Variants in SLC1A7 observed in about 807,000 individuals in gnomAD.
SLC1A7 encodes the protein excitatory amino acid transporter 5.
Under a neutral mutation model 47.7 loss-of-function variants are expected in SLC1A7, and 40 were observed. The ratio of observed to expected loss-of-function variants is 0.84; its 90% CI spans 0.65 to 1.09. The LOEUF (loss-of-function observed/expected upper bound fraction) is 1.09, where lower values mean the gene tolerates loss of function less well. Ranked by LOEUF, SLC1A7 falls within the 50% of genes least tolerant of loss-of-function variation. The pLI, the probability that SLC1A7 is intolerant of heterozygous loss-of-function variation, is 0.00. For missense variants in SLC1A7, 746 were observed against 769.5 expected, an observed-to-expected ratio of 0.97 and a Z score of 0.36; for synonymous variants, 323 against 325.6, an observed-to-expected ratio of 0.99 and a Z score of 0.09.
chr1:53,126,698 G>A (rs893510909), intron 2 of SLC1A7, among the ~76,000 whole-genome samples: 5 of 152,182 alleles, frequency 3.3e-5, no homozygotes, highest in African/African-American at 9.7e-5. Context: ...CCAGACAGTT[G>A]GGCTTCTGAT....
intron 5 of SLC1A7, chr1:53,103,133 C>G (rs939279260): frequency 2.1e-6 from 1 of 484,338 alleles, no homozygotes; most frequent in Admixed American, 3.8e-5. Flanking sequence ...ATGGCCCAGA[C>G]GGGCCTGAGG....
At position 53,139,766 on chromosome 1, in the gene SLC1A7, TC is replaced by T. The variant is rs564373434; in HGVS notation, c.135+2548del. ...TTGTTGTAGCCTCTCTATTTCTTTT[TC>T]TCAACTGTCTCCTTTTATATTCTCT... On this transcript the variant is annotated intron_variant, in intron 1 of 10. Coordinates refer to ENST00000371494, the MANE Select transcript of SLC1A7 (RefSeq NM_006671.6). Among the ~76,000 whole-genome samples the T allele has an allele frequency of 2.9e-3, 448 of 152,304 alleles. 1 individual carries two copies. Among genetic ancestry groups the T allele is most frequent in the Non-Finnish European group, 5.0e-3 (337 of 68,022 alleles).
chr1:53,132,198 T>A (rs1262120715), intron 2 of SLC1A7, among the ~76,000 whole-genome samples: 1 of 152,110 alleles, frequency 6.6e-6, no homozygotes, highest in Non-Finnish European at 1.5e-5. Flanking sequence ...ATGGAAGCTG[T>A]TGAAGGTAAA....
intron 2 of SLC1A7, among the ~76,000 whole-genome samples, chr1:53,130,360 G>A (rs1644930204): frequency 6.6e-6 from 1 of 152,186 alleles, no homozygotes; most frequent in East Asian, 1.9e-4. Context: ...CCAGGGCTTG[G>A]CATGGGGAAA....
In SLC1A7 at chr1:53,142,487, T is replaced by G; in HGVS notation, c.-38A>C. 1 of 1,607,200 alleles carries G rather than the reference T, an allele frequency of 6.2e-7. No homozygotes were observed. The highest frequency in any genetic ancestry group is 8.5e-7 in the Non-Finnish European group (1 of 1,177,108). Reference sequence around the variant, plus strand: ...CTGCTGGCAAGGGGCACAGCACCATTCCACGCATGAGAGCCCGGCCGGGGG... The same window carrying G: ...CTGCTGGCAAGGGGCACAGCACCATGCCACGCATGAGAGCCCGGCCGGGGG... On this transcript the variant is annotated 5_prime_UTR_variant, in exon 1 of 11. Transcript: ENST00000371494.
At chr1:53,088,772 A>AG in intron 10 of SLC1A7, 105 bp downstream of exon 10, 1 of 791,510 alleles carries the variant, frequency 1.3e-6, no homozygotes, top group East Asian at 2.6e-5. Context: ...GCATGGAGGG[A>AG]GGGATTGGCT....
Position 53,114,865 on chromosome 1 carries a change from G to T in SLC1A7, c.324C>A (p.Ile108=), listed in dbSNP as rs151238377. The change falls in exon 3 of 11, where the codon ATC becomes ATA. Residue 108 remains isoleucine, a synonymous_variant. Transcript: ENST00000371494. The part of the protein sequence containing the change: ...WTTFMAVIVG[I]FMVSIIHPGS... ...CTGGGTGGATGATGGAGACCATGAA[G>T]ATGCCCACGATGACAGCCATGAAGG... 58 of 1,614,096 alleles carry T rather than the reference G, an allele frequency of 3.6e-5. No individual in the cohort carries two copies. The African/African-American group carries it at 7.3e-4, about 20-fold the overall frequency.
At chr1:53,120,790 C>T (rs1040169913) in intron 2 of SLC1A7, among the ~76,000 whole-genome samples, 6 of 152,238 alleles carry the variant, frequency 3.9e-5, no homozygotes, top group East Asian at 1.9e-4. Context: ...CACGGAGTGC[C>T]GGGAGCCCAG....
At chr1:53,115,155 A>C in intron 2 of SLC1A7, 182 bp from the exon 3 acceptor site, 1 of 609,946 alleles carries the variant, frequency 1.6e-6, no homozygotes, top group Non-Finnish European at 2.9e-6. Context: ...CCTCTCCCCC[A>C]CGCCCCGGGG....
intron 5 of SLC1A7, among the ~76,000 whole-genome samples, chr1:53,098,712 C>T (rs977720275): frequency 6.6e-5 from 10 of 151,006 alleles, no homozygotes; most frequent in Middle Eastern, 3.2e-3. Context: ...TAACTGGCCT[C>T]GGTACACTCA....
In SLC1A7 at chr1:53,103,453, T is replaced by A; in HGVS notation, c.590A>T (p.Asn197Ile). Residue 197 changes from asparagine to isoleucine, a missense_variant, in exon 5 of 11, where the codon AAC becomes ATC. Coordinates refer to ENST00000371494, the MANE Select transcript of SLC1A7 (RefSeq NM_006671.6). ...VQEENGSHVQ[N>I]FALDLTPPPE... is the part of the protein sequence containing the mutation. ...CGGCGGGGTCAGGTCCAGGGCGAAG[T>A]TCTGCACATGGGAGCCATTCTCCTC... The A allele has an allele frequency of 6.2e-7, 1 of 1,613,020 alleles. No homozygotes were observed. Among genetic ancestry groups the A allele is most frequent in the Non-Finnish European group, 8.5e-7 (1 of 1,179,724 alleles).
intron 2 of SLC1A7, among the ~76,000 whole-genome samples, chr1:53,132,980 T>C (rs1644956539): frequency 6.6e-6 from 1 of 152,138 alleles, no homozygotes; most frequent in South Asian, 2.1e-4. Flanking sequence ...TTGTAGGTGG[T>C]ATGTTAAAGC....
chr1:53,135,852 T>C (rs1644987358), intron 1 of SLC1A7, among the ~76,000 whole-genome samples: 1 of 151,986 alleles, frequency 6.6e-6, no homozygotes, highest in African/African-American at 2.4e-5. Context: ...CTTTCAAACA[T>C]CATCCAAGTT....
chr1:53,108,474 G>C, intron 3 of SLC1A7: 1 of 679,466 alleles, frequency 1.5e-6, no homozygotes, highest in East Asian at 2.7e-5. Flanking sequence ...ATGTTGTGGG[G>C]ACCAAATGGG....
chr1:53,093,347 G>T lies in SLC1A7; in HGVS notation c.797+114C>A, dbSNP rs1644446854. ...GTAGCTCCGGAGGCCCCGGCCCAGG[G>T]CTGAGCCTGGGCACAGCTTTCTGCT... On this transcript the variant is annotated intron_variant, in intron 6 of 10. Transcript: ENST00000371494. The T allele has an allele frequency of 9.2e-6, 8 of 870,650 alleles. No homozygotes were observed. In the South Asian group the frequency reaches 1.1e-4, roughly 12 times the overall value. 53.9% of individuals were successfully genotyped at this position (870,650 alleles called of 1,614,324 possible).
Position 53,092,644 on chromosome 1 carries a change from A to C in SLC1A7, c.941T>G (p.Leu314Arg). The C allele has an allele frequency of 6.2e-7, 1 of 1,614,172 alleles. No individual in the cohort carries two copies. The highest frequency in any genetic ancestry group is 8.5e-7 in the Non-Finnish European group (1 of 1,180,002). Residue 314 changes from leucine to arginine, a missense_variant, in exon 7 of 11, where the codon CTG becomes CGG. Leu to Arg is a moderately radical substitution (Grantham distance 102). Transcript: ENST00000371494. Reference protein sequence around the residue: ...LVLHGLFILPLLYFFITKKNP... With the variant: ...LVLHGLFILPRLYFFITKKNP... ...CTTCTTGGTGATGAAGAAGTAGAGC[A>C]GGGGCAGGATAAAGAGCCCGTGGAG...
intron 5 of SLC1A7, among the ~76,000 whole-genome samples, chr1:53,098,332 C>T (rs893658447): frequency 1.4e-5 from 2 of 145,746 alleles, no homozygotes; most frequent in Non-Finnish European, 3.0e-5. Flanking sequence ...GTACCAAAAC[C>T]CGCCTTGCTA....
chr1:53,115,052 T>C, intron 2 of SLC1A7, 79 bp from the exon 3 acceptor site: 1 of 1,113,658 alleles, frequency 9.0e-7, no homozygotes, highest in Non-Finnish European at 1.3e-6. Flanking sequence ...CAGCCCCTCC[T>C]GGCCATGTCC....
At chr1:53,122,844 C>T (rs1572338737) in intron 2 of SLC1A7, among the ~76,000 whole-genome samples, 3 of 152,150 alleles carry the variant, frequency 2.0e-5, no homozygotes, top group Admixed American at 1.3e-4. Context: ...GAGCATTGGG[C>T]CACACTGGGC....
Sources: allele counts gnomAD v4.1 joint callset (sites outside exome capture counted in the v4.1 genomes callset), GRCh38; gene constraint gnomAD v4.1.1; transcripts MANE v1.5; gene names NCBI Gene and HGNC (gene_info 2026-07-23, HGNC 2026-07-21).